The following CYP39A1 variants were observed in gnomAD, a reference collection of about 807,000 sequenced individuals.
CYP39A1 encodes the protein 24-hydroxycholesterol 7-alpha-hydroxylase.
A neutral mutation model predicts 58.1 loss-of-function variants in CYP39A1; 49 were observed. The ratio of observed to expected loss-of-function variants is 0.84; its 90% CI spans 0.67 to 1.07. The LOEUF is 1.07. CYP39A1 is among the 50% of genes least tolerant of loss of function. The pLI is 0.00. For missense variants in CYP39A1, 531 were observed against 539.4 expected, an observed-to-expected ratio of 0.98 and a Z score of 0.16; for synonymous variants, 209 against 187.6, an observed-to-expected ratio of 1.11 and a Z score of -0.93.
intron 7 of CYP39A1, among the ~76,000 whole-genome samples, chr6:46,619,394 T>A (rs950985517): frequency 6.6e-6 from 1 of 152,136 alleles, no homozygotes; most frequent in African/African-American, 2.4e-5. Context: ...TTAGTTTCTG[T>A]TGTTGGAGAC....
intron 3 of CYP39A1, 117 bp from the exon 4 acceptor site, chr6:46,638,095 ATTCTCTTGGG>A: frequency 9.8e-7 from 1 of 1,023,824 alleles, no homozygotes; most frequent in Non-Finnish European, 1.4e-6. Context: ...TAGGTGACAG[ATTCTCTTGGG>A]AAAAAGTCAC....
chr6:46,588,040 G>C lies in CYP39A1; in HGVS notation c.1155C>G (p.Phe385Leu). ...ACTGAAAGAGATAACTTACAGGTTT[G>C]AACAATTCAGGCTCAGGAAAATACT... ...NPKYFPEPEL[F>L]KPERWKKANL... The change falls in exon 9 of 12, where the codon TTC becomes TTG. Residue 385 changes from phenylalanine (F) to leucine (L), a missense_variant. Physicochemically the swap from Phe to Leu is conservative, Grantham distance 22. Transcript: ENST00000275016. 6.4e-7 allele frequency: 1 copy of C among 1,562,074 alleles called. No homozygotes were observed. The highest frequency in any genetic ancestry group is 2.3e-5 in the East Asian group (1 of 42,854).
At chr6:46,624,840 C>T (rs1256978083) in intron 7 of CYP39A1, among the ~76,000 whole-genome samples, 1 of 152,124 alleles carries the variant, frequency 6.6e-6, no homozygotes, top group Admixed American at 6.5e-5. Flanking sequence ...GATAAATAAA[C>T]AGCTGACATC....
chr6:46,553,725 T>C (rs774819496), intron 11 of CYP39A1, 42 bp downstream of exon 11: 54 of 1,353,338 alleles, frequency 4.0e-5, no homozygotes, highest in Non-Finnish European at 5.5e-5. Flanking sequence ...TTATGTCATA[T>C]TTATAAGTAG....
chr6:46,627,088 G>A (rs574664498), intron 6 of CYP39A1, among the ~76,000 whole-genome samples: 1 of 152,108 alleles, frequency 6.6e-6, no homozygotes, highest in Non-Finnish European at 1.5e-5. Context: ...GAAGAAGGGG[G>A]TGGGGAAAAT....
Position 46,652,348 on chromosome 6 carries a change from A to C in CYP39A1, c.177+58T>G, listed in dbSNP as rs904717455. The C allele has an allele frequency of 6.6e-6, 10 of 1,506,284 alleles. No homozygotes were observed. The East Asian group carries it at 1.6e-4, about 24-fold the overall frequency. 93.3% of individuals were successfully genotyped at this position (1,506,284 alleles called of 1,614,324 possible). A position where few individuals can be genotyped will look rare whatever the true frequency, so the allele number is the denominator to read the frequency against. ...CCTGCACTTAAGAGTCAATGAAAGAAAGTTTAAAAAAGAAAGCATTGTCTC... is the reference window on the plus strand; with the variant it reads ...CCTGCACTTAAGAGTCAATGAAAGACAGTTTAAAAAAGAAAGCATTGTCTC... On this transcript the variant is annotated intron_variant, in intron 1 of 11. Coordinates refer to ENST00000275016, the MANE Select transcript of CYP39A1 (RefSeq NM_016593.5).
intron 1 of CYP39A1, 23 bp downstream of exon 1, chr6:46,652,383 C>T: frequency 1.3e-6 from 2 of 1,592,962 alleles, no homozygotes; most frequent in Non-Finnish European, 1.7e-6. Flanking sequence ...CCTCTGGAGA[C>T]CCCGTCTGCC....
At position 46,625,400 on chromosome 6, in the gene CYP39A1, TATA is replaced by T; in HGVS notation, c.931+15_931+17del. The T allele has an allele frequency of 3.2e-6, 5 of 1,553,686 alleles. No homozygotes were observed. The South Asian group carries it at 3.6e-5, about 11-fold the overall frequency. ...ATGCATTATTAGCTGTGTCTTCCTA[TATA>T]ATAAGGTTTAGTACCTGCTTTGCCA... On this transcript the variant is annotated intron_variant, in intron 7 of 11. Coordinates refer to ENST00000275016, the MANE Select transcript of CYP39A1 (RefSeq NM_016593.5).
intron 8 of CYP39A1, among the ~76,000 whole-genome samples, chr6:46,588,674 T>C (rs1433539398): frequency 6.6e-6 from 1 of 152,124 alleles, no homozygotes; most frequent in Non-Finnish European, 1.5e-5. Flanking sequence ...GCAGTGGACT[T>C]TTCTTTCCTC....
intron 9 of CYP39A1, 114 bp from the exon 10 acceptor site, chr6:46,587,279 G>A (rs901699428): frequency 1.4e-6 from 1 of 724,974 alleles, no homozygotes; most frequent in South Asian, 1.6e-5. Context: ...TAAAGTTGCA[G>A]GGTTGTTGGT....
chr6:46,570,354 C>T (rs1006465895), intron 10 of CYP39A1, among the ~76,000 whole-genome samples: 6 of 151,944 alleles, frequency 3.9e-5, no homozygotes, highest in Non-Finnish European at 7.4e-5. Flanking sequence ...GCTTTATTTC[C>T]ATATGTCTGC....
At position 46,597,770 on chromosome 6, in the gene CYP39A1, G is replaced by A. The variant is rs73469104; in HGVS notation, c.932-1650C>T. On this transcript the variant is annotated intron_variant, in intron 7 of 11. Transcript: ENST00000275016. ...TCCTAAATGCCATTCTGGAACATCC[G>A]GAGGCTAGAGAAATTGGAAACTTCC... Among the ~76,000 whole-genome samples, 831 of 152,190 alleles carry A rather than the reference G, an allele frequency of 5.5e-3. 7 individuals carry two copies. Among genetic ancestry groups the A allele is most frequent in the African/African-American group, 0.019 (782 of 41,542 alleles).
chr6:46,577,744 C>T (rs1771914134), intron 10 of CYP39A1, among the ~76,000 whole-genome samples: 1 of 150,772 alleles, frequency 6.6e-6, no homozygotes, highest in South Asian at 2.1e-4. Flanking sequence ...CCTAAATATG[C>T]ATGAATCTAA....
At chr6:46,628,028 T>C (rs2150576099) in intron 6 of CYP39A1, among the ~76,000 whole-genome samples, 1 of 152,250 alleles carries the variant, frequency 6.6e-6, no homozygotes, top group South Asian at 2.1e-4. Context: ...ATAATGTCAT[T>C]CCATTGTTTT....
intron 10 of CYP39A1, among the ~76,000 whole-genome samples, chr6:46,556,668 T>G (rs1470125190): frequency 6.6e-6 from 1 of 152,202 alleles, no homozygotes; most frequent in Non-Finnish European, 1.5e-5. Context: ...GGGATTAGAT[T>G]ATTTTACATT....
chr6:46,647,893 G>T (rs1247291353), intron 1 of CYP39A1, among the ~76,000 whole-genome samples: 2 of 152,062 alleles, frequency 1.3e-5, no homozygotes, highest in Non-Finnish European at 2.9e-5. Context: ...CAGATGAATA[G>T]ATTGCAAAAA....
At chr6:46,615,625 A>T (rs928788339) in intron 7 of CYP39A1, among the ~76,000 whole-genome samples, 2 of 152,156 alleles carry the variant, frequency 1.3e-5, no homozygotes. Context: ...AGTTGAATCA[A>T]ATTTTGCTTT....
intron 1 of CYP39A1, among the ~76,000 whole-genome samples, chr6:46,645,864 T>G (rs1762290150): frequency 2.6e-5 from 4 of 152,140 alleles, no homozygotes; most frequent in Admixed American, 2.6e-4. Context: ...GCATACAAGT[T>G]CTAAACATTT....
chr6:46,609,430 G>GA (rs79569413), intron 7 of CYP39A1, among the ~76,000 whole-genome samples: 2 of 148,290 alleles, frequency 1.3e-5, no homozygotes, highest in African/African-American at 4.9e-5. Flanking sequence ...AAAAAAAAAA[G>GA]AAAAAAAAGA....
Sources: gnomAD v4.1 joint callset for allele counts (sites outside exome capture counted in the v4.1 genomes callset) on GRCh38, gnomAD v4.1.1 for gene constraint, MANE v1.5 for transcripts, NCBI Gene and HGNC (gene_info 2026-07-23, HGNC 2026-07-21) for gene names.